The following TENM4 variants were observed in gnomAD, a reference collection of about 807,000 sequenced individuals.
The protein encoded by TENM4 is teneurin-4.
Under a neutral mutation model 243.3 loss-of-function variants are expected in TENM4, and 82 were observed. The observed-to-expected ratio is 0.34, with a 90% CI of 0.28 to 0.40. The LOEUF (loss-of-function observed/expected upper bound fraction) is 0.40. Among genes scored for constraint, TENM4 ranks in the 10% least tolerant of loss-of-function variants. The probability of loss-of-function intolerance (pLI) is 1.00; values close to 1 mark genes in which losing one functional copy is unlikely to be tolerated. For missense variants in TENM4, 3,138 were observed against 3,673.3 expected, an observed-to-expected ratio of 0.85 and a Z score of 3.77; for synonymous variants, 1,412 against 1,456.3, an observed-to-expected ratio of 0.97 and a Z score of 0.69.
intron 4 of TENM4, among the ~76,000 whole-genome samples, chr11:79,131,394 A>C (rs1372347746): frequency 6.6e-6 from 1 of 152,168 alleles, no homozygotes; most frequent in African/African-American, 2.4e-5. Flanking sequence ...CAAACAAAAC[A>C]ATTATCAGCC....
intron 1 of TENM4, among the ~76,000 whole-genome samples, chr11:79,317,414 G>T (rs939218820): frequency 2.0e-5 from 3 of 152,120 alleles, no homozygotes; most frequent in Admixed American, 1.3e-4. Context: ...GCGCAGACAG[G>T]CTATCTAATT....
chr11:79,090,539 A>G (rs1010547015), intron 4 of TENM4, among the ~76,000 whole-genome samples: 1 of 152,174 alleles, frequency 6.6e-6, no homozygotes, highest in African/African-American at 2.4e-5. Flanking sequence ...CTGAAGGGAG[A>G]GTTGTTACAC....
chr11:78,971,325 C>T lies in TENM4; in HGVS notation c.494-67802G>A, dbSNP rs372063809. On this transcript the variant is annotated intron_variant, in intron 6 of 33. Coordinates refer to ENST00000278550, the MANE Select transcript of TENM4 (RefSeq NM_001098816.3). ...TGTTTGTTTGTTTTGTTTTTACAGA[C>T]GGAGTCTTGCTCTGTCACCCAGGCT... Among the ~76,000 whole-genome samples the T allele has an allele frequency of 1.1e-4, 16 of 152,186 alleles. No homozygotes were observed. In the East Asian group the frequency reaches 2.1e-3, roughly 20 times the overall value.
chr11:79,221,229 T>C (rs972172235), intron 2 of TENM4: 3 of 152,058 alleles, frequency 2.0e-5, no homozygotes, highest in Non-Finnish European at 4.4e-5. Flanking sequence ...TCAGGATAAA[T>C]GCTCAGTAAA....
chr11:78,951,527 A>G (rs901037873), intron 6 of TENM4, among the ~76,000 whole-genome samples: 4 of 152,196 alleles, frequency 2.6e-5, no homozygotes, highest in Admixed American at 1.3e-4. Flanking sequence ...TGCTTAAATA[A>G]TAGAAATTTA....
At chr11:78,976,902 G>A (rs1396002948) in intron 6 of TENM4, among the ~76,000 whole-genome samples, 2 of 152,168 alleles carry the variant, frequency 1.3e-5, no homozygotes, top group Non-Finnish European at 2.9e-5. Context: ...GTCTGGCACC[G>A]CACTAAGCAC....
At chr11:79,380,257 A>G (rs536797375) in intron 1 of TENM4, among the ~76,000 whole-genome samples, 6 of 149,814 alleles carry the variant, frequency 4.0e-5, no homozygotes, top group Non-Finnish European at 5.9e-5. Context: ...TAAGTTATCA[A>G]TAGTTCTTGG....
intron 1 of TENM4, among the ~76,000 whole-genome samples, chr11:79,428,736 A>G (rs1010356889): frequency 6.6e-6 from 1 of 152,218 alleles, no homozygotes; most frequent in Non-Finnish European, 1.5e-5. Context: ...AAACGAGGGC[A>G]GGGGTGGGAA....
intron 12 of TENM4, among the ~76,000 whole-genome samples, chr11:78,843,889 C>T (rs1057273318): frequency 3.9e-5 from 6 of 152,138 alleles, no homozygotes; most frequent in African/African-American, 1.2e-4. Context: ...TCAAAGCTGC[C>T]GATAAGAAGT....
chr11:78,866,701 C>T (rs149071454), intron 9 of TENM4, among the ~76,000 whole-genome samples: 12 of 152,302 alleles, frequency 7.9e-5, no homozygotes, highest in East Asian at 1.9e-4. Context: ...CAATAGTCTC[C>T]GTGGCCTGTG....
intron 4 of TENM4, among the ~76,000 whole-genome samples, chr11:79,138,774 C>A (rs1161347366): frequency 9.2e-5 from 10 of 108,286 alleles, no homozygotes; most frequent in African/African-American, 3.7e-4. Flanking sequence ...ATACATAAAA[C>A]ATACATTATA....
chr11:78,796,046 C>A (rs565496103), intron 15 of TENM4, among the ~76,000 whole-genome samples: 1 of 152,190 alleles, frequency 6.6e-6, no homozygotes, highest in African/African-American at 2.4e-5. Context: ...GCCTTGGAAA[C>A]CACACGGCCT....
chr11:79,139,060 T>C lies in TENM4; in HGVS notation c.-66+9650A>G, dbSNP rs1299385681. Among the ~76,000 whole-genome samples, 23 of 18,428 alleles carry C rather than the reference T, an allele frequency of 1.2e-3. 3 individuals carry two copies. The highest frequency in any genetic ancestry group is 0.14 in the Middle Eastern group (2 of 14). 12.1% of individuals were successfully genotyped at this position (18,428 alleles called of 152,430 possible). On this transcript the variant is annotated intron_variant, in intron 4 of 33. Coordinates refer to ENST00000278550, the MANE Select transcript of TENM4 (RefSeq NM_001098816.3). ...TTCTATAAATATATAAAATATATATTATATTTCTATAAATATATATTATAT... is the reference window on the plus strand; with the variant it reads ...TTCTATAAATATATAAAATATATATCATATTTCTATAAATATATATTATAT...
intron 1 of TENM4, among the ~76,000 whole-genome samples, chr11:79,437,710 G>C (rs569068380): frequency 3.3e-5 from 5 of 152,138 alleles, no homozygotes; most frequent in Non-Finnish European, 5.9e-5. Context: ...GCGCGGGCCC[G>C]GCTCGCCGGG....
chr11:79,355,948 T>C (rs373637284), intron 1 of TENM4, among the ~76,000 whole-genome samples: 1 of 152,188 alleles, frequency 6.6e-6, no homozygotes, highest in Non-Finnish European at 1.5e-5. Context: ...TGGGAGCACA[T>C]TTCCTATCCC....
intron 9 of TENM4, among the ~76,000 whole-genome samples, chr11:78,873,181 C>T (rs1164053371): frequency 6.6e-6 from 1 of 152,158 alleles, no homozygotes; most frequent in East Asian, 1.9e-4. Context: ...TTTATCTGTG[C>T]ACGGAGCAAG....
In TENM4 at chr11:79,368,475, AT is replaced by A. The variant is rs374307868; in HGVS notation, c.-320-70933del. Among the ~76,000 whole-genome samples, 34 of 152,298 alleles carry A rather than the reference AT, an allele frequency of 2.2e-4. 1 individual carries two copies. The East Asian group carries it at 6.4e-3, about 29-fold the overall frequency. On this transcript the variant is annotated intron_variant, in intron 1 of 33. Transcript: ENST00000278550. ...TCCATACATGCTCACCTGTAATACT[AT>A]TTATATCAGTATGAGATGGGACAGC...
chr11:79,057,282 C>T (rs1859968111), intron 6 of TENM4, among the ~76,000 whole-genome samples: 1 of 152,124 alleles, frequency 6.6e-6, no homozygotes, highest in African/African-American at 2.4e-5. Context: ...CTACTCCCTC[C>T]CCTCTTTGGC....
chr11:78,782,376 T>C (rs1443049428), intron 16 of TENM4, among the ~76,000 whole-genome samples: 1 of 152,114 alleles, frequency 6.6e-6, no homozygotes, highest in Non-Finnish European at 1.5e-5. Flanking sequence ...GGCAGGTGGA[T>C]CACCTGAGGT....
Sources: allele counts gnomAD v4.1 joint callset (sites outside exome capture counted in the v4.1 genomes callset), GRCh38; gene constraint gnomAD v4.1.1; transcripts MANE v1.5; gene names NCBI Gene and HGNC (gene_info 2026-07-23, HGNC 2026-07-21).